CYSTM1: variants seen among roughly 807,000 people sequenced by gnomAD.
CYSTM1 encodes cysteine rich transmembrane module containing 1, also known as cysteine-rich transmembrane module-containing protein 1.
Under a neutral mutation model 13.1 loss-of-function variants are expected in CYSTM1, and 4 were observed. The ratio of observed to expected loss-of-function variants is 0.31; its 90% CI spans 0.15 to 0.70. The LOEUF (loss-of-function observed/expected upper bound fraction) is 0.70. Ranked by LOEUF, CYSTM1 falls within the 30% of genes least tolerant of loss-of-function variation. The probability of loss-of-function intolerance (pLI) is 0.72; values close to 1 mark genes in which losing one functional copy is unlikely to be tolerated. For missense variants in CYSTM1, 96 were observed against 121.6 expected (o/e 0.79, Z 0.99); for synonymous variants, 36 against 42.7 (o/e 0.84, Z 0.62).
chr5:140,243,421 C>A lies in CYSTM1; in HGVS notation c.*10C>A, dbSNP rs752760363. On this transcript the variant is annotated 3_prime_UTR_variant, in exon 3 of 3. Coordinates refer to ENST00000261811, the MANE Select transcript of CYSTM1 (RefSeq NM_032412.4). ...GGACATGCTCACCTGACCAGACCAG[C>A]CCAGCCGTCCTGTCCTGCCAGCTCT... The A allele has an allele frequency of 5.6e-6, 9 of 1,612,584 alleles. No individual in the cohort carries two copies. The highest frequency in any genetic ancestry group is 1.3e-5 in the African/African-American group (1 of 74,900).
At chr5:140,240,638 G>T (rs1764736730) in intron 2 of CYSTM1, among the ~76,000 whole-genome samples, 1 of 151,886 alleles carries the variant, frequency 6.6e-6, no homozygotes, top group Non-Finnish European at 1.5e-5. Flanking sequence ...GGTGGGTGGG[G>T]ATCCTGGGGC....
intron 1 of CYSTM1, among the ~76,000 whole-genome samples, chr5:140,191,427 G>C (rs939807168): frequency 6.6e-6 from 1 of 152,162 alleles, no homozygotes; most frequent in Non-Finnish European, 1.5e-5. Context: ...AAAAATGAGA[G>C]GGAAACATGA....
chr5:140,230,959 G>A lies in CYSTM1; in HGVS notation c.188-12346G>A, dbSNP rs1409736722. 6.6e-6 allele frequency among the ~76,000 whole-genome samples: 1 copy of A among 151,968 alleles called. No individual in the cohort carries two copies. Among genetic ancestry groups the A allele is most frequent in the East Asian group, 1.9e-4 (1 of 5,194 alleles). Reference sequence around the variant, plus strand: ...TTCTTGGCTTTCTCGGCCTTTTACTGTTTCATCTACATTTTAGAATGTGTG... The same window carrying A: ...TTCTTGGCTTTCTCGGCCTTTTACTATTTCATCTACATTTTAGAATGTGTG... On this transcript the variant is annotated intron_variant, in intron 2 of 2. Coordinates refer to ENST00000261811, the MANE Select transcript of CYSTM1 (RefSeq NM_032412.4). This position sits in a 1 kb window ranked among gnomAD's most constrained non-coding sequence, Gnocchi z 4.1.
At chr5:140,182,753 A>G (rs1293276355) in intron 1 of CYSTM1, among the ~76,000 whole-genome samples, 1 of 151,900 alleles carries the variant, frequency 6.6e-6, no homozygotes, top group Non-Finnish European at 1.5e-5. Context: ...TTTTCCCCCA[A>G]TCTTCATTGT....
rs1029037128 is a variant in CYSTM1, at chr5:140,239,729, G to T, written c.188-3576G>T. On this transcript the variant is annotated intron_variant, in intron 2 of 2. Coordinates refer to ENST00000261811, the MANE Select transcript of CYSTM1 (RefSeq NM_032412.4). The surrounding 1 kb of genome is among the most constrained non-coding windows in gnomAD (Gnocchi z 5.4). Reference sequence around the variant, plus strand: ...CTTGTGTTTGCATCCATGTGGCAAAGCTCTGGGTGCCTGCCCCTCTGCAGG... The same window carrying T: ...CTTGTGTTTGCATCCATGTGGCAAATCTCTGGGTGCCTGCCCCTCTGCAGG... Among the ~76,000 whole-genome samples the T allele has an allele frequency of 3.3e-5, 5 of 152,208 alleles. No individual in the cohort carries two copies. The highest frequency in any genetic ancestry group is 3.3e-4 in the Admixed American group (5 of 15,284).
At chr5:140,214,513 A>T (rs1488956421) in intron 2 of CYSTM1, among the ~76,000 whole-genome samples, 12 of 152,130 alleles carry the variant, frequency 7.9e-5, no homozygotes, top group Non-Finnish European at 1.5e-4. Context: ...GCCTGGGGAA[A>T]CAAGGTATTT....
intron 1 of CYSTM1, among the ~76,000 whole-genome samples, chr5:140,176,455 A>T (rs773381509): frequency 2.6e-5 from 4 of 152,218 alleles, no homozygotes; most frequent in African/African-American, 9.7e-5. Context: ...GCAGATTTTT[A>T]AAAATTCCTT....
At chr5:140,202,669 A>C (rs2126660493) in intron 2 of CYSTM1, 1 of 152,310 alleles carries the variant, frequency 6.6e-6, no homozygotes, top group South Asian at 2.1e-4. Flanking sequence ...TTATGTCCAA[A>C]AGGGTACTCT....
rs1764780164 is a variant in CYSTM1, at chr5:140,243,630, A to C, written c.*219A>C. On this transcript the variant is annotated 3_prime_UTR_variant, in exon 3 of 3. Transcript: ENST00000261811. ...AAATCCATTTCTTATTGATCTTTAAAGATGTGCTAAATGACTTTTTTGGCC... is the reference window on the plus strand; with the variant it reads ...AAATCCATTTCTTATTGATCTTTAACGATGTGCTAAATGACTTTTTTGGCC... 2.3e-6 allele frequency: 1 copy of C among 429,726 alleles called. No homozygotes were observed. The allele number at this position is 429,726 out of a possible 1,614,324, so 26.6% of individuals were successfully genotyped here.
intron 2 of CYSTM1, among the ~76,000 whole-genome samples, chr5:140,207,086 C>G (rs1202054491): frequency 2.0e-5 from 3 of 152,340 alleles, no homozygotes; most frequent in Middle Eastern, 3.4e-3. Flanking sequence ...ATAGACAGGG[C>G]CAGCATCTTT....
At chr5:140,193,350 C>T (rs1037265772) in intron 1 of CYSTM1, among the ~76,000 whole-genome samples, 5 of 152,180 alleles carry the variant, frequency 3.3e-5, no homozygotes, top group Non-Finnish European at 7.3e-5. Flanking sequence ...GTGGCACGAT[C>T]TCAGCTCATT....
At chr5:140,226,864 G>A (rs1028346875) in intron 2 of CYSTM1, among the ~76,000 whole-genome samples, 1 of 151,878 alleles carries the variant, frequency 6.6e-6, no homozygotes, top group Non-Finnish European at 1.5e-5. Context: ...AAGGGGTGGG[G>A]TGGGCACTAC....
intron 2 of CYSTM1, chr5:140,201,062 G>A (rs542864186): frequency 6.6e-6 from 1 of 152,194 alleles, no homozygotes; most frequent in East Asian, 1.9e-4. Flanking sequence ...GATATACCAC[G>A]TTTTAGTTAT....
intron 2 of CYSTM1, among the ~76,000 whole-genome samples, chr5:140,238,522 A>G (rs1764710816): frequency 1.3e-5 from 2 of 152,250 alleles, no homozygotes; most frequent in Non-Finnish European, 2.9e-5. Context: ...CCTTGAACAG[A>G]GGCACAGTGG....
intron 1 of CYSTM1, among the ~76,000 whole-genome samples, chr5:140,191,368 T>G (rs745764483): frequency 6.6e-6 from 1 of 152,238 alleles, no homozygotes; most frequent in East Asian, 1.9e-4. Flanking sequence ...TTTTCCCTTC[T>G]AGACCTTACA....
intron 2 of CYSTM1, among the ~76,000 whole-genome samples, chr5:140,211,037 A>G (rs910004356): frequency 2.0e-5 from 3 of 152,180 alleles, no homozygotes; most frequent in Admixed American, 6.5e-5. Context: ...TTTGGTAACA[A>G]TTTCTAGATT....
At chr5:140,223,725 C>T (rs553743708) in intron 2 of CYSTM1, among the ~76,000 whole-genome samples, 10 of 152,284 alleles carry the variant, frequency 6.6e-5, no homozygotes, top group African/African-American at 2.4e-4. Flanking sequence ...TGGCCTACAC[C>T]CTGGGAGGGG....
chr5:140,188,174 A>C (rs903623614), intron 1 of CYSTM1, among the ~76,000 whole-genome samples: 5 of 151,074 alleles, frequency 3.3e-5, no homozygotes, highest in African/African-American at 1.2e-4. Context: ...TCCTGGGCTG[A>C]AGTGATCCTC....
At chr5:140,179,966 C>T (rs1763944672) in intron 1 of CYSTM1, among the ~76,000 whole-genome samples, 1 of 152,112 alleles carries the variant, frequency 6.6e-6, no homozygotes, top group Non-Finnish European at 1.5e-5. Flanking sequence ...CCCAGCCTCA[C>T]TCTCTTTTTT....
Sources: gnomAD v4.1 joint callset for allele counts (sites outside exome capture counted in the v4.1 genomes callset) on GRCh38, gnomAD v4.1.1 for gene constraint, Gnocchi (gnomAD v3.1) non-coding constraint, MANE v1.5 for transcripts, NCBI Gene and HGNC (gene_info 2026-07-23, HGNC 2026-07-21) for gene names.